Variants in SHC3 observed in about 807,000 individuals in gnomAD.
SHC3 encodes SHC adaptor protein 3.
A neutral mutation model predicts 60.4 loss-of-function variants in SHC3; 15 were observed. The ratio of observed to expected loss-of-function variants is 0.25; its 90% CI spans 0.17 to 0.38. The LOEUF (loss-of-function observed/expected upper bound fraction) is 0.38. Among genes scored for constraint, SHC3 ranks in the 10% least tolerant of loss-of-function variants. The probability of loss-of-function intolerance (pLI) is 1.00; values close to 1 mark genes in which losing one functional copy is unlikely to be tolerated. For missense variants in SHC3, 677 were observed against 786.1 expected, an observed-to-expected ratio of 0.86 and a Z score of 1.66; for synonymous variants, 294 against 325.9, an observed-to-expected ratio of 0.90 and a Z score of 1.05.
At chr9:89,039,054 C>T (rs186225214) in intron 10 of SHC3, among the ~76,000 whole-genome samples, 9 of 152,298 alleles carry the variant, frequency 5.9e-5, no homozygotes, top group Admixed American at 3.9e-4. Flanking sequence ...TCCCGATGTT[C>T]GATTTTCACA....
intron 10 of SHC3, among the ~76,000 whole-genome samples, chr9:89,038,716 C>T (rs574320070): frequency 2.6e-5 from 4 of 152,362 alleles, no homozygotes; most frequent in Admixed American, 2.6e-4. Flanking sequence ...GAAAGACAAG[C>T]TACAAAGCTT....
At chr9:89,074,135 G>A (rs1175574975) in intron 4 of SHC3, among the ~76,000 whole-genome samples, 2 of 152,204 alleles carry the variant, frequency 1.3e-5, no homozygotes, top group Non-Finnish European at 2.9e-5. Flanking sequence ...TTGGGTGGCA[G>A]GTGGAGGAAT....
chr9:89,133,885 A>G (rs187168120), intron 1 of SHC3, among the ~76,000 whole-genome samples: 31 of 152,276 alleles, frequency 2.0e-4, no homozygotes, highest in Non-Finnish European at 7.4e-5. Context: ...TGTTATGCAC[A>G]TGTACCCTAG....
chr9:89,090,025 C>T (rs1045185995), intron 2 of SHC3, among the ~76,000 whole-genome samples: 2 of 152,244 alleles, frequency 1.3e-5, no homozygotes, highest in African/African-American at 4.8e-5. Context: ...CGAGCAAACA[C>T]ACGGAGCCCT....
In SHC3 at chr9:89,064,730, G is replaced by A. The variant is rs1587706477; in HGVS notation, c.835+799C>T. 5.3e-5 allele frequency among the ~76,000 whole-genome samples: 8 copies of A among 152,244 alleles called. 2 individuals are homozygous for A. In the South Asian group the frequency reaches 1.7e-3, roughly 32 times the overall value. On this transcript the variant is annotated intron_variant, in intron 6 of 11. Coordinates refer to ENST00000375835, the MANE Select transcript of SHC3 (RefSeq NM_016848.6). ...ATCTTAAAAATATATCCAAGGTATAGCATTGGAGGGTAAGGTAGCAAAACA... is the reference window on the plus strand; with the variant it reads ...ATCTTAAAAATATATCCAAGGTATAACATTGGAGGGTAAGGTAGCAAAACA...
intron 2 of SHC3, among the ~76,000 whole-genome samples, chr9:89,095,024 T>C (rs894767725): frequency 3.9e-5 from 6 of 152,168 alleles, no homozygotes; most frequent in East Asian, 1.9e-4. Flanking sequence ...TGTTGGAGTA[T>C]ACAATTGTGC....
At chr9:89,152,050 G>A (rs1207333750) in intron 1 of SHC3, among the ~76,000 whole-genome samples, 5 of 152,130 alleles carry the variant, frequency 3.3e-5, no homozygotes, top group South Asian at 4.1e-4. Context: ...TATTGTTAGC[G>A]GAGCCAGCCC....
At chr9:89,170,163 G>A (rs1041744369) in intron 1 of SHC3, among the ~76,000 whole-genome samples, 1 of 152,232 alleles carries the variant, frequency 6.6e-6, no homozygotes, top group African/African-American at 2.4e-5. Flanking sequence ...ATCCTGGGTG[G>A]TGAGGGGCTC....
rs560999194 is a variant in SHC3, at chr9:89,119,083, G to A, written c.475-6457C>T. On this transcript the variant is annotated intron_variant, in intron 1 of 11. Coordinates refer to ENST00000375835, the MANE Select transcript of SHC3 (RefSeq NM_016848.6). ...GAAGAAAAGGTATAGCATGCCAAGC[G>A]CTGTTCAGTTTTGTGGAGGTAGGTC... Among the ~76,000 whole-genome samples the A allele has an allele frequency of 5.3e-5, 8 of 152,270 alleles. No individual in the cohort carries two copies. In the East Asian group the frequency reaches 1.2e-3, roughly 22 times the overall value.
intron 2 of SHC3, among the ~76,000 whole-genome samples, chr9:89,106,396 C>G (rs1341633844): frequency 6.6e-6 from 1 of 152,226 alleles, no homozygotes; most frequent in Non-Finnish European, 1.5e-5. Context: ...GGCCCTGACA[C>G]TCTGAGCCAC....
intron 2 of SHC3, chr9:89,109,005 G>T (rs747300593): frequency 1.2e-4 from 117 of 959,150 alleles, no homozygotes; most frequent in Non-Finnish European, 1.3e-4. Flanking sequence ...AGCATTCCTC[G>T]ACTTCTGACA....
chr9:89,094,886 C>T lies in SHC3; in HGVS notation c.546-16983G>A, dbSNP rs75964994. Among the ~76,000 whole-genome samples the T allele has an allele frequency of 4.0e-3, 609 of 152,240 alleles. 6 individuals are homozygous for T. The highest frequency in any genetic ancestry group is 0.014 in the African/African-American group (590 of 41,526). ...TGCAAAAGATCATTCCTGATAAAGC[C>T]ATGATGCGATACCACCTCACGCCCA... On this transcript the variant is annotated intron_variant, in intron 2 of 11. Transcript: ENST00000375835.
At chr9:89,040,783 C>T (rs968643943) in intron 10 of SHC3, among the ~76,000 whole-genome samples, 4 of 152,200 alleles carry the variant, frequency 2.6e-5, no homozygotes, top group African/African-American at 9.6e-5. Flanking sequence ...TAAGATTCTA[C>T]AGTTCTTGCT....
intron 1 of SHC3, among the ~76,000 whole-genome samples, chr9:89,126,552 G>T (rs75594099): frequency 1.3e-5 from 2 of 152,192 alleles, no homozygotes; most frequent in Non-Finnish European, 2.9e-5. Flanking sequence ...TGCTGGAAAA[G>T]ATCTCTTCGC....
intron 2 of SHC3, among the ~76,000 whole-genome samples, chr9:89,078,242 C>T (rs987422759): frequency 1.3e-5 from 2 of 151,756 alleles, no homozygotes; most frequent in East Asian, 1.9e-4. Context: ...ATATTCTCTT[C>T]CCGACACTGT....
At chr9:89,046,480 G>A (rs559136567) in intron 8 of SHC3, among the ~76,000 whole-genome samples, 6 of 152,168 alleles carry the variant, frequency 3.9e-5, no homozygotes, top group South Asian at 2.1e-4. Flanking sequence ...CATTTTAAGC[G>A]TCTATATTCA....
chr9:89,119,523 T>C (rs997585247), intron 1 of SHC3, among the ~76,000 whole-genome samples: 5 of 152,002 alleles, frequency 3.3e-5, no homozygotes, highest in Admixed American at 2.0e-4. Context: ...TGGGGAAATA[T>C]CTTGTTTACA....
intron 1 of SHC3, among the ~76,000 whole-genome samples, chr9:89,160,060 G>A (rs951444300): frequency 2.6e-5 from 4 of 152,180 alleles, no homozygotes; most frequent in African/African-American, 7.2e-5. Context: ...GGAGGACTTC[G>A]CACAGACCCT....
intron 4 of SHC3, 116 bp from the exon 5 acceptor site, chr9:89,071,368 T>C: frequency 1.0e-6 from 1 of 978,598 alleles, no homozygotes; most frequent in Non-Finnish European, 1.6e-6. Flanking sequence ...AAAATTGGTA[T>C]CTATATAAAA....
Sources: gnomAD v4.1 joint callset for allele counts (sites outside exome capture counted in the v4.1 genomes callset) on GRCh38, gnomAD v4.1.1 for gene constraint, MANE v1.5 for transcripts, NCBI Gene and HGNC (gene_info 2026-07-23, HGNC 2026-07-21) for gene names.